Variants in CSMD1 observed in about 807,000 individuals in gnomAD.
CSMD1 encodes CUB and sushi domain-containing protein 1.
A neutral mutation model predicts 417.5 loss-of-function variants in CSMD1; 213 were observed. The observed-to-expected ratio is 0.51, with a 90% CI of 0.46 to 0.57. CSMD1 has a LOEUF of 0.57. Ranked by LOEUF, CSMD1 falls within the 20% of genes least tolerant of loss-of-function variation. The pLI is 0.00. For synonymous variants in CSMD1, 2,862 were observed against 1,736.8 expected, an observed-to-expected ratio of 1.65 and a Z score of -16.11; for missense variants, 6,923 against 4,529.7, an observed-to-expected ratio of 1.53 and a Z score of -15.17.
intron 3 of CSMD1, among the ~76,000 whole-genome samples, chr8:4,071,831 G>A (rs958818405): frequency 2.0e-5 from 3 of 152,090 alleles, no homozygotes; most frequent in Admixed American, 6.6e-5. Flanking sequence ...TGTTGTGGGG[G>A]GGTGGTGTGC....
intron 3 of CSMD1, among the ~76,000 whole-genome samples, chr8:4,276,227 C>T (rs1015617669): frequency 6.6e-5 from 10 of 152,160 alleles, no homozygotes; most frequent in Admixed American, 2.0e-4. Context: ...AACGCAAATG[C>T]CCATCAACGA....
At chr8:4,344,428 T>C (rs1018514075) in intron 3 of CSMD1, among the ~76,000 whole-genome samples, 1 of 152,034 alleles carries the variant, frequency 6.6e-6, no homozygotes, top group Admixed American at 6.6e-5. Flanking sequence ...GGCAGGAATA[T>C]TTTAAAACTG....
chr8:3,953,468 C>T (rs1811720976), intron 5 of CSMD1, among the ~76,000 whole-genome samples: 1 of 152,112 alleles, frequency 6.6e-6, no homozygotes, highest in Admixed American at 6.6e-5. Context: ...CATAAACACA[C>T]ACAGAGAGAG....
At chr8:4,111,051 C>A in intron 3 of CSMD1, among the ~76,000 whole-genome samples, 1 of 152,190 alleles carries the variant, frequency 6.6e-6, no homozygotes, top group East Asian at 1.9e-4. Flanking sequence ...ACTTAATAAA[C>A]CTTGCACCGC....
chr8:3,632,317 G>C, intron 7 of CSMD1, among the ~76,000 whole-genome samples: 1 of 152,046 alleles, frequency 6.6e-6, no homozygotes, highest in Non-Finnish European at 1.5e-5. Context: ...GTAAAGCCCC[G>C]TTCGCCTTCT....
chr8:3,401,458 C>T (rs1212202402), intron 15 of CSMD1, among the ~76,000 whole-genome samples: 3 of 152,098 alleles, frequency 2.0e-5, no homozygotes, highest in African/African-American at 2.4e-5. Flanking sequence ...ATGAAATAGA[C>T]ACTTTAATAA....
chr8:3,101,514 C>A (rs1056664078), intron 46 of CSMD1, among the ~76,000 whole-genome samples: 2 of 152,066 alleles, frequency 1.3e-5, no homozygotes, highest in Non-Finnish European at 2.9e-5. Flanking sequence ...GCTCCACCTC[C>A]GGGGTTCACA....
chr8:4,415,707 ATG>A (rs1796896498), intron 3 of CSMD1, among the ~76,000 whole-genome samples: 1 of 152,234 alleles, frequency 6.6e-6, no homozygotes, highest in African/African-American at 2.4e-5. Flanking sequence ...GATTAAATAA[ATG>A]AGAGAAGAAA....
chr8:3,959,753 T>G (rs1328554312), intron 5 of CSMD1, among the ~76,000 whole-genome samples: 2 of 152,154 alleles, frequency 1.3e-5, no homozygotes. Context: ...CACTCAAACT[T>G]AGGTATGTCT....
At chr8:4,849,298 CAT>C (rs759888605) in intron 1 of CSMD1, among the ~76,000 whole-genome samples, 17 of 151,882 alleles carry the variant, frequency 1.1e-4, no homozygotes, top group African/African-American at 2.4e-4. Context: ...AAAAGAGTCA[CAT>C]GTTTAAAAAA....
At chr8:4,064,308 G>A (rs1221147616) in intron 3 of CSMD1, among the ~76,000 whole-genome samples, 9 of 152,096 alleles carry the variant, frequency 5.9e-5, no homozygotes, top group Admixed American at 5.9e-4. Flanking sequence ...CAATGTTCCT[G>A]GGCTCCATAT....
intron 5 of CSMD1, among the ~76,000 whole-genome samples, chr8:3,980,727 C>T (rs1193427441): frequency 6.6e-6 from 1 of 152,098 alleles, no homozygotes. Flanking sequence ...AAGTAAGAAG[C>T]CCCCACCCTT....
chr8:4,151,250 G>A (rs1563191472), intron 3 of CSMD1, among the ~76,000 whole-genome samples: 1 of 152,072 alleles, frequency 6.6e-6, no homozygotes, highest in Non-Finnish European at 1.5e-5. Flanking sequence ...TACTTGGAAA[G>A]CTAAAATATT....
rs374399206 is a variant in CSMD1 at position 3,130,570 on chromosome 8, C to T, written c.6241+11895G>A. Among the ~76,000 whole-genome samples, 4 of 152,286 alleles carry T rather than the reference C, an allele frequency of 2.6e-5. No homozygotes were observed. In the East Asian group the frequency reaches 5.8e-4, roughly 22 times the overall value. On this transcript the variant is annotated intron_variant, in intron 41 of 69. Transcript: ENST00000635120. The stretch of plus-strand genomic sequence containing the variant: ...AATGCGTCACAGCCAAATCCCCAGG[C>T]CCCCTGACCCGGGGAAGCCCTCTGA...
chr8:3,409,617 A>G lies in CSMD1; in HGVS notation c.1562-12T>C, dbSNP rs746488857. The G allele has an allele frequency of 1.7e-5, 26 of 1,564,038 alleles. No homozygotes were observed. In the Middle Eastern group the frequency reaches 5.3e-4, roughly 32 times the overall value. On this transcript the variant is annotated splice_polypyrimidine_tract_variant and intron_variant, in intron 12 of 69. Transcript: ENST00000635120. Reference sequence around the variant, plus strand: ...TCCCTTTTCAATTTCTGAAAATGGAAAAACAAATGAACCCTTAAAAAAACA... The same window carrying G: ...TCCCTTTTCAATTTCTGAAAATGGAGAAACAAATGAACCCTTAAAAAAACA...
chr8:3,089,221 G>A (rs901789447), intron 48 of CSMD1, among the ~76,000 whole-genome samples: 9 of 152,218 alleles, frequency 5.9e-5, no homozygotes, highest in African/African-American at 1.9e-4. Flanking sequence ...CTGGGATATA[G>A]AATGAAAAGT....
chr8:3,983,243 G>C (rs1472021900), intron 5 of CSMD1, among the ~76,000 whole-genome samples: 2 of 150,364 alleles, frequency 1.3e-5, no homozygotes, highest in Admixed American at 6.7e-5. Flanking sequence ...CCATTCTCCT[G>C]CCTCAGCCTC....
intron 1 of CSMD1, among the ~76,000 whole-genome samples, chr8:4,845,841 T>C (rs544019584): frequency 6.6e-6 from 1 of 152,356 alleles, no homozygotes; most frequent in Non-Finnish European, 1.5e-5. Context: ...ACATACGATT[T>C]GTAGCTGAAT....
intron 5 of CSMD1, among the ~76,000 whole-genome samples, chr8:3,896,030 G>A (rs1027713081): frequency 2.0e-5 from 3 of 152,192 alleles, no homozygotes; most frequent in Non-Finnish European, 4.4e-5. Flanking sequence ...GAAAAAGAAA[G>A]GAAGAAATGA....
Sources: gnomAD v4.1 joint callset for allele counts (sites outside exome capture counted in the v4.1 genomes callset) on GRCh38, gnomAD v4.1.1 for gene constraint, MANE v1.5 for transcripts, NCBI Gene and HGNC (gene_info 2026-07-23, HGNC 2026-07-21) for gene names.